The following GTF3C1 variants were observed in gnomAD, a reference collection of about 807,000 sequenced individuals.
The protein encoded by GTF3C1 is general transcription factor 3C polypeptide 1.
Under a neutral mutation model 226.7 loss-of-function variants are expected in GTF3C1, and 57 were observed. That is an observed-to-expected ratio of 0.25 (90% CI 0.20 to 0.31). The LOEUF (loss-of-function observed/expected upper bound fraction) is 0.31, where lower values mean the gene tolerates loss of function less well. Among genes scored for constraint, GTF3C1 ranks in the 10% least tolerant of loss-of-function variants. The probability of loss-of-function intolerance (pLI) is 1.00; values close to 1 mark genes in which losing one functional copy is unlikely to be tolerated. For missense variants in GTF3C1, 2,217 were observed against 2,776.1 expected, an observed-to-expected ratio of 0.80 and a Z score of 4.53; for synonymous variants, 1,090 against 1,084.8, an observed-to-expected ratio of 1.00 and a Z score of -0.09.
At chr16:27,509,973 G>A (rs2088548785) in intron 7 of GTF3C1, among the ~76,000 whole-genome samples, 1 of 152,106 alleles carries the variant, frequency 6.6e-6, no homozygotes, top group Non-Finnish European at 1.5e-5. Flanking sequence ...GGCTAACCAG[G>A]TGTGGTGGCT....
intron 32 of GTF3C1, among the ~76,000 whole-genome samples, chr16:27,466,729 TA>T (rs2087792172): frequency 6.6e-6 from 1 of 152,172 alleles, no homozygotes; most frequent in African/African-American, 2.4e-5. Flanking sequence ...TGAAGGAAAT[TA>T]AAAGTGCTAC....
intron 11 of GTF3C1, 32 bp from the exon 12 acceptor site, chr16:27,501,376 C>G (rs745352126): frequency 1.2e-6 from 2 of 1,604,738 alleles, no homozygotes; most frequent in South Asian, 2.2e-5. Flanking sequence ...GATAACACTC[C>G]CAATCTCAAC....
chr16:27,492,956 G>GA lies in GTF3C1; in HGVS notation c.2876+242dup, dbSNP rs967450821. On this transcript the variant is annotated intron_variant, in intron 17 of 36. Transcript: ENST00000356183. This position sits in a 1 kb window ranked among gnomAD's most constrained non-coding sequence, Gnocchi z 5.0. The stretch of plus-strand genomic sequence containing the variant: ...TTTGGAAAGTAAAAGTAATGAAAGG[G>GA]AAAAAAAATTCCGATACTTGCAGAC... Among the ~76,000 whole-genome samples, 1 of 151,748 alleles carries GA rather than the reference G, an allele frequency of 6.6e-6. No individual in the cohort carries two copies. Among genetic ancestry groups the GA allele is most frequent in the African/African-American group, 2.4e-5 (1 of 41,302 alleles).
chr16:27,499,700 G>C (rs1455185108), intron 12 of GTF3C1, among the ~76,000 whole-genome samples: 1 of 152,168 alleles, frequency 6.6e-6, no homozygotes, highest in African/African-American at 2.4e-5. Flanking sequence ...CAAATGAGAC[G>C]CAGTAAGGCA....
chr16:27,510,880 T>G (rs1013992367), intron 7 of GTF3C1, among the ~76,000 whole-genome samples: 3 of 152,214 alleles, frequency 2.0e-5, no homozygotes, highest in African/African-American at 4.8e-5. Context: ...AGACCAATCT[T>G]AGAAAACAAC....
At chr16:27,478,590 G>T in intron 27 of GTF3C1, 59 bp from the exon 28 acceptor site, 1 of 1,170,592 alleles carries the variant, frequency 8.5e-7, no homozygotes, top group Non-Finnish European at 1.3e-6. Context: ...CTAAGCAAGC[G>T]GATGCTGGCT....
intron 33 of GTF3C1, 40 bp from the exon 34 acceptor site, chr16:27,464,876 G>C (rs962392935): frequency 2.0e-6 from 3 of 1,468,218 alleles, no homozygotes; most frequent in Admixed American, 4.8e-5. Context: ...TGGGGAGCTC[G>C]GGATCCTCCA....
intron 2 of GTF3C1, among the ~76,000 whole-genome samples, chr16:27,540,744 G>A (rs1372559390): frequency 6.6e-6 from 1 of 152,190 alleles, no homozygotes; most frequent in Non-Finnish European, 1.5e-5. Context: ...AGTTGTTGAG[G>A]CCATAAAATG....
rs957073803 is a variant in GTF3C1 at position 27,483,547 on chromosome 16, C to T, written c.4002-422G>A. 1.5e-5 allele frequency: 7 copies of T among 454,028 alleles called. No individual in the cohort carries two copies. The Middle Eastern group carries it at 9.8e-4, about 64-fold the overall frequency. 28.1% of individuals were successfully genotyped at this position (454,028 alleles called of 1,614,324 possible). On this transcript the variant is annotated intron_variant, in intron 25 of 36. Coordinates refer to ENST00000356183, the MANE Select transcript of GTF3C1 (RefSeq NM_001520.4). ...GTGTCCACTCCACTAACCTTCACAT[C>T]TCCATGATATAAGGAGAGCCTGACT...
chr16:27,487,490 T>A (rs1430661915), intron 23 of GTF3C1, among the ~76,000 whole-genome samples: 1 of 152,196 alleles, frequency 6.6e-6, no homozygotes, highest in South Asian at 2.1e-4. Flanking sequence ...AAGGGGTGCA[T>A]CAAATCAGAA....
At chr16:27,523,241 CA>C (rs2088778132) in intron 6 of GTF3C1, among the ~76,000 whole-genome samples, 1 of 152,082 alleles carries the variant, frequency 6.6e-6, no homozygotes, top group African/African-American at 2.4e-5. Flanking sequence ...TCCAAATTTG[CA>C]AAACAGATCA....
intron 29 of GTF3C1, among the ~76,000 whole-genome samples, chr16:27,474,580 G>GA (rs1021147052): frequency 7.9e-5 from 12 of 151,134 alleles, no homozygotes; most frequent in African/African-American, 2.9e-4. Context: ...AACATTTTTT[G>GA]AAAAAAAAAT....
intron 6 of GTF3C1, among the ~76,000 whole-genome samples, chr16:27,518,257 C>T (rs1218542709): frequency 6.6e-6 from 1 of 151,980 alleles, no homozygotes; most frequent in Non-Finnish European, 1.5e-5. Flanking sequence ...CACTGAATGA[C>T]GGAGGTGGGG....
intron 14 of GTF3C1, among the ~76,000 whole-genome samples, chr16:27,496,007 G>C (rs553785852): frequency 1.3e-5 from 2 of 152,196 alleles, no homozygotes; most frequent in African/African-American, 4.8e-5. Context: ...TGTGATCCTC[G>C]GTGCTGGTGG....
Position 27,470,540 on chromosome 16 carries a change from A to C in GTF3C1, c.4527-145T>G. The C allele has an allele frequency of 1.5e-6, 1 of 668,156 alleles. No homozygotes were observed. The highest frequency in any genetic ancestry group is 2.6e-6 in the Non-Finnish European group (1 of 385,978). 41.4% of individuals were successfully genotyped at this position (668,156 alleles called of 1,614,324 possible). Reference sequence around the variant, plus strand: ...TCCCTAAAGCTCTCTGTCCCATCCCAGATGAAGGTGCTGCATTCCCACCTA... The same window carrying C: ...TCCCTAAAGCTCTCTGTCCCATCCCCGATGAAGGTGCTGCATTCCCACCTA... On this transcript the variant is annotated intron_variant, in intron 30 of 36. Coordinates refer to ENST00000356183, the MANE Select transcript of GTF3C1 (RefSeq NM_001520.4). This position sits in a 1 kb window ranked among gnomAD's most constrained non-coding sequence, Gnocchi z 4.9.
intron 19 of GTF3C1, among the ~76,000 whole-genome samples, chr16:27,490,194 C>T (rs1057311646): frequency 6.6e-6 from 1 of 152,170 alleles, no homozygotes; most frequent in Admixed American, 6.5e-5. Context: ...ATGCACTGCA[C>T]GCAGCAGGCC....
chr16:27,478,448 A>G, intron 28 of GTF3C1, 21 bp downstream of exon 28: 1 of 1,465,556 alleles, frequency 6.8e-7, no homozygotes, highest in Non-Finnish European at 9.6e-7. Context: ...AGGAAAAGCT[A>G]CTCTATATAT....
chr16:27,540,032 C>T (rs546520564), intron 2 of GTF3C1, among the ~76,000 whole-genome samples: 2 of 152,264 alleles, frequency 1.3e-5, no homozygotes, highest in East Asian at 3.9e-4. Flanking sequence ...CCAACATCCA[C>T]TCTTCTCAGC....
At chr16:27,516,458 G>A (rs1412121976) in intron 6 of GTF3C1, among the ~76,000 whole-genome samples, 1 of 152,178 alleles carries the variant, frequency 6.6e-6, no homozygotes, top group Non-Finnish European at 1.5e-5. Context: ...TGGGATCTGC[G>A]GCTCTGCCTG....
Sources: gnomAD v4.1 joint callset for allele counts (sites outside exome capture counted in the v4.1 genomes callset) on GRCh38, gnomAD v4.1.1 for gene constraint, Gnocchi (gnomAD v3.1) non-coding constraint, MANE v1.5 for transcripts, NCBI Gene and HGNC (gene_info 2026-07-23, HGNC 2026-07-21) for gene names.